DOT1L: variants seen among roughly 807,000 people sequenced by gnomAD.
DOT1L encodes the protein histone-lysine N-methyltransferase, H3 lysine-79 specific.
In DOT1L, 33 loss-of-function variants were observed where a neutral mutation model predicts 153.3. The ratio of observed to expected loss-of-function variants is 0.22; its 90% CI spans 0.16 to 0.29. The LOEUF (loss-of-function observed/expected upper bound fraction) is 0.29, where lower values mean the gene tolerates loss of function less well. Ranked by LOEUF, DOT1L falls within the 10% of genes least tolerant of loss-of-function variation. The pLI is 1.00. For missense variants in DOT1L, 1,847 were observed against 2,119.9 expected (o/e 0.87, Z 2.53); for synonymous variants, 1,135 against 965.1 (o/e 1.18, Z -3.26).
intron 19 of DOT1L, 143 bp from the exon 20 acceptor site, chr19:2,216,138 A>G (rs2023889134): frequency 5.6e-6 from 7 of 1,253,026 alleles, no homozygotes; most frequent in Admixed American, 2.5e-5. Context: ...CCCCGCCTCT[A>G]TGTGGTCGGC....
In DOT1L at chr19:2,216,368, C is replaced by A. The variant is rs763175127; in HGVS notation, c.2011C>A (p.Leu671Met). The A allele has an allele frequency of 5.0e-6, 8 of 1,612,376 alleles. No individual in the cohort carries two copies. Among genetic ancestry groups the A allele is most frequent in the Non-Finnish European group, 5.1e-6 (6 of 1,179,694 alleles). ...SCVPPDDALS[L>M]HLRGKGALGR... Reference sequence around the variant, plus strand: ...TGTGCCGCCTGACGACGCCCTGTCCCTGCACCTGCGTGGGAAGGGCGCCCT... The same window carrying A: ...TGTGCCGCCTGACGACGCCCTGTCCATGCACCTGCGTGGGAAGGGCGCCCT... The change falls in exon 20 of 28, where the codon CTG becomes ATG. Residue 671 changes from leucine (L) to methionine (M), a missense_variant. By Grantham distance (15) the Leu-to-Met change is conservative. Coordinates refer to ENST00000398665, the MANE Select transcript of DOT1L (RefSeq NM_032482.3).
chr19:2,191,516 C>T lies in DOT1L; in HGVS notation c.493+276C>T, dbSNP rs1057237238. On this transcript the variant is annotated intron_variant, in intron 5 of 27. Transcript: ENST00000398665. The surrounding 1 kb of genome is among the most constrained non-coding windows in gnomAD (Gnocchi z 6.8). ...GAGACTCTGCTTTCGTCCTGCTTCC[C>T]ACCAGCTGGGGAGCTAGACCTGTGC... 3.3e-5 allele frequency among the ~76,000 whole-genome samples: 5 copies of T among 152,112 alleles called. No individual in the cohort carries two copies. Among genetic ancestry groups the T allele is most frequent in the African/African-American group, 1.2e-4 (5 of 41,428 alleles).
rs114538958 is a variant in DOT1L at position 2,200,808 on chromosome 19, C to T, written c.707+869C>T. ...TCCTCGTCCTCCCCGCATTCCTCGT[C>T]CTCCCCACGCCTCTCGTCCTCCCCG... On this transcript the variant is annotated intron_variant, in intron 8 of 27. Transcript: ENST00000398665. Among the ~76,000 whole-genome samples the T allele has an allele frequency of 3.7e-3, 556 of 148,836 alleles. 5 individuals carry two copies. The highest frequency in any genetic ancestry group is 0.012 in the African/African-American group (490 of 39,950).
In DOT1L at chr19:2,199,849, CG is replaced by C. The variant is rs776023981; in HGVS notation, c.652-30del. ...GGCGGGCTGGGAGTGCCAGGGAGGC[CG>C]GGGGTCCGCGCTCACACCTGTTTTC... On this transcript the variant is annotated intron_variant, in intron 7 of 27. Coordinates refer to ENST00000398665, the MANE Select transcript of DOT1L (RefSeq NM_032482.3). The C allele has an allele frequency of 4.7e-5, 76 of 1,607,686 alleles. No individual in the cohort carries two copies. The East Asian group carries it at 1.5e-3, about 31-fold the overall frequency.
Position 2,216,400 on chromosome 19 carries a change from C to A in DOT1L, c.2043C>A (p.Arg681=), listed in dbSNP as rs779548078. 1.2e-6 allele frequency: 2 copies of A among 1,612,414 alleles called. No homozygotes were observed. Among genetic ancestry groups the A allele is most frequent in the Non-Finnish European group, 1.7e-6 (2 of 1,179,858 alleles). ...LHLRGKGALG[R]ELEPDASRLH... ...TGCGTGGGAAGGGCGCCCTGGGCCG[C>A]GAGCTGGAGCCTGACGCCAGCCGGC... Residue 681 remains arginine, a synonymous_variant, in exon 20 of 28, where the codon CGC becomes CGA. Coordinates refer to ENST00000398665, the MANE Select transcript of DOT1L (RefSeq NM_032482.3).
intron 25 of DOT1L, among the ~76,000 whole-genome samples, chr19:2,224,654 G>C (rs942490224): frequency 6.6e-6 from 1 of 151,992 alleles, no homozygotes; most frequent in African/African-American, 2.4e-5. Flanking sequence ...GTTTTATAGA[G>C]ATCGGGTTTT....
chr19:2,165,411 C>T (rs915047801), intron 1 of DOT1L, among the ~76,000 whole-genome samples: 9 of 152,118 alleles, frequency 5.9e-5, no homozygotes, highest in Non-Finnish European at 4.4e-5. Flanking sequence ...GGAGAGGGAG[C>T]GCAGCTTCCA....
Position 2,222,459 on chromosome 19 carries a change from C to A in DOT1L, c.3290C>A (p.Pro1097His), listed in dbSNP as rs1568367881. Residue 1097 changes from proline to histidine, a missense_variant, in exon 24 of 28, where the codon CCC (proline) becomes CAC (histidine). Physicochemically the swap from Pro to His is moderately conservative, Grantham distance 77 (BLOSUM62 -2). This residue lies in a region of DOT1L where 934 missense variants were observed against 825.3 expected (regional missense o/e 1.13). Coordinates refer to ENST00000398665, the MANE Select transcript of DOT1L (RefSeq NM_032482.3). This position sits in a 1 kb window ranked among gnomAD's most constrained non-coding sequence, Gnocchi z 6.5. ...CGGAAGCGAGCATCTGCGGGGACGC[C>A]CAGCTTGAGCGCAGGCGTGTCCCCC... ...GRRKRASAGTPSLSAGVSPKR... is the reference protein window; with the variant it reads ...GRRKRASAGTHSLSAGVSPKR... 1 of 1,606,876 alleles carries A rather than the reference C, an allele frequency of 6.2e-7. No homozygotes were observed. Among genetic ancestry groups the A allele is most frequent in the Middle Eastern group, 1.7e-4 (1 of 6,040 alleles).
chr19:2,176,478 C>T (rs2021941864), intron 1 of DOT1L, among the ~76,000 whole-genome samples: 1 of 152,160 alleles, frequency 6.6e-6, no homozygotes, highest in African/African-American at 2.4e-5. Flanking sequence ...TTACGTGGCC[C>T]CCAAAATAAT....
At chr19:2,229,501 A>G in intron 27 of DOT1L, 1 of 985,418 alleles carries the variant, frequency 1.0e-6, no homozygotes, top group Non-Finnish European at 1.2e-6. Flanking sequence ...CTCTTAGGAG[A>G]TGAGCTGCAG....
intron 8 of DOT1L, 129 bp from the exon 9 acceptor site, chr19:2,202,571 C>T (rs1317503255): frequency 1.4e-5 from 12 of 877,672 alleles, no homozygotes; most frequent in Admixed American, 2.1e-5. Flanking sequence ...GCTGCGTGGG[C>T]TTGGCCCTGG....
intron 27 of DOT1L, chr19:2,227,915 T>TCCGCCTCCGCCTCCCCCGCTGCCC: frequency 4.7e-6 from 5 of 1,063,218 alleles, no homozygotes; most frequent in Non-Finnish European, 5.8e-6. Flanking sequence ...CCCCTCCGCC[T>TCCGCCTCCGCCTCCCCCGCTGCCC]CCGCCTCCGC....
In DOT1L at chr19:2,191,308, CCTG is replaced by C; in HGVS notation, c.493+71_493+73del. Reference sequence around the variant, plus strand: ...CCACACGCTCTGTGCCTGCCCCATGCCTGCTTGGAGAAGAGTTTATCAGGGACT... The same window carrying C: ...CCACACGCTCTGTGCCTGCCCCATGCCTTGGAGAAGAGTTTATCAGGGACT... On this transcript the variant is annotated intron_variant, in intron 5 of 27. Coordinates refer to ENST00000398665, the MANE Select transcript of DOT1L (RefSeq NM_032482.3). This position sits in a 1 kb window ranked among gnomAD's most constrained non-coding sequence, Gnocchi z 6.8. 6.7e-7 allele frequency: 1 copy of C among 1,499,872 alleles called. No individual in the cohort carries two copies. The highest frequency in any genetic ancestry group is 9.2e-7 in the Non-Finnish European group (1 of 1,082,376). The allele number at this position is 1,499,872 out of a possible 1,614,324, so 92.9% of individuals were successfully genotyped here. A position where few individuals can be genotyped will look rare whatever the true frequency, so the allele number is the denominator to read the frequency against.
intron 1 of DOT1L, among the ~76,000 whole-genome samples, chr19:2,171,783 G>A (rs1256676817): frequency 2.6e-5 from 4 of 152,232 alleles, no homozygotes; most frequent in Non-Finnish European, 5.9e-5. Context: ...GGAAGGACCT[G>A]AGGTGAAGTT....
Position 2,213,539 on chromosome 19 carries a change from G to A in DOT1L, c.1558G>A (p.Glu520Lys). ...GTCACCTGCCCTGTTTGTCCTACAG[G>A]AGAAGAACGCCCAGCTCCTGGGTGC... ...SLQELLGQEK[E>K]KNAQLLGAAQ... The change falls in exon 17 of 28, where the codon GAG (glutamate) becomes AAG (lysine). Residue 520 changes from glutamate (E) to lysine (K), a missense_variant and splice_region_variant. Transcript: ENST00000398665. 1 of 1,612,496 alleles carries A rather than the reference G, an allele frequency of 6.2e-7. No homozygotes were observed. The highest frequency in any genetic ancestry group is 8.5e-7 in the Non-Finnish European group (1 of 1,179,902).
chr19:2,210,563 G>A, intron 13 of DOT1L, 53 bp downstream of exon 13: 1 of 1,592,144 alleles, frequency 6.3e-7, no homozygotes, highest in Non-Finnish European at 8.6e-7. Flanking sequence ...CCCTGCCCGG[G>A]AGACCCCATG....
At chr19:2,172,267 G>T (rs147156051) in intron 1 of DOT1L, among the ~76,000 whole-genome samples, 2,412 of 150,882 alleles carry the variant, frequency 0.016, 29 homozygotes, top group Non-Finnish European at 0.026. Context: ...TCTGCTCACT[G>T]CAAGCTCCGC....
chr19:2,184,741 T>C (rs1283153489), intron 2 of DOT1L, among the ~76,000 whole-genome samples: 1 of 152,178 alleles, frequency 6.6e-6, no homozygotes, highest in East Asian at 1.9e-4. Flanking sequence ...CTTTCCGTAC[T>C]CGCCCACACG....
rs1599571569 is a variant in DOT1L at position 2,197,734 on chromosome 19, C to T, written c.652-2150C>T. On this transcript the variant is annotated intron_variant, in intron 7 of 27. Coordinates refer to ENST00000398665, the MANE Select transcript of DOT1L (RefSeq NM_032482.3). The surrounding 1 kb of genome is among the most constrained non-coding windows in gnomAD (Gnocchi z 4.1). Reference sequence around the variant, plus strand: ...ATTTGGGGGAAAGCGTGGCATTCTTCGTGGCTTTGGCAACACGTGTCAGAA... The same window carrying T: ...ATTTGGGGGAAAGCGTGGCATTCTTTGTGGCTTTGGCAACACGTGTCAGAA... 6.6e-6 allele frequency among the ~76,000 whole-genome samples: 1 copy of T among 152,152 alleles called. No homozygotes were observed. Among genetic ancestry groups the T allele is most frequent in the African/African-American group, 2.4e-5 (1 of 41,426 alleles).
Sources: allele counts gnomAD v4.1 joint callset (sites outside exome capture counted in the v4.1 genomes callset), GRCh38; gene constraint gnomAD v4.1.1; regional missense constraint gnomAD v4.1.1; non-coding constraint Gnocchi (gnomAD v3.1); transcripts MANE v1.5; gene names NCBI Gene and HGNC (gene_info 2026-07-23, HGNC 2026-07-21).